VAT1L: variants seen among roughly 807,000 people sequenced by gnomAD.
The protein encoded by VAT1L is vesicle amine transport 1 like.
Under a neutral mutation model 44.1 loss-of-function variants are expected in VAT1L, and 34 were observed. That is an observed-to-expected ratio of 0.77 (90% CI 0.59 to 1.03). The LOEUF is 1.03. Ranked by LOEUF, VAT1L falls within the 50% of genes least tolerant of loss-of-function variation. The pLI, the probability that VAT1L is intolerant of heterozygous loss-of-function variation, is 0.00. For synonymous variants in VAT1L, 253 were observed against 202.2 expected (o/e 1.25, Z -2.13); for missense variants, 615 against 538.8 (o/e 1.14, Z -1.40).
chr16:77,820,180 A>G (rs529759231), intron 2 of VAT1L, among the ~76,000 whole-genome samples: 16 of 152,302 alleles, frequency 1.1e-4, no homozygotes, highest in East Asian at 1.9e-4. Context: ...TCATGGTTTC[A>G]AGAGGATTGA....
At chr16:77,935,499 T>TA (rs35559626) in intron 7 of VAT1L, among the ~76,000 whole-genome samples, 21,968 of 115,656 alleles carry the variant, frequency 0.19, 1,723 homozygotes, top group South Asian at 0.25. Context: ...TGACGGTTTA[T>TA]AAAAAAAAAA....
intron 4 of VAT1L, among the ~76,000 whole-genome samples, chr16:77,874,618 G>A (rs1277246381): frequency 1.3e-5 from 2 of 151,828 alleles, no homozygotes. Context: ...CCTTCCCCAG[G>A]GATGCCTCTC....
intron 7 of VAT1L, among the ~76,000 whole-genome samples, chr16:77,967,155 T>C (rs888369717): frequency 1.3e-5 from 2 of 152,080 alleles, no homozygotes; most frequent in South Asian, 2.1e-4. Flanking sequence ...TGAGAGCAGT[T>C]TGGGGTGTTG....
intron 7 of VAT1L, among the ~76,000 whole-genome samples, chr16:77,963,971 G>A (rs917676274): frequency 6.6e-6 from 1 of 152,100 alleles, no homozygotes; most frequent in African/African-American, 2.4e-5. Flanking sequence ...ATAGTGGCTG[G>A]TTAGGGACTT....
chr16:77,815,952 G>C (rs2016345993), intron 1 of VAT1L, among the ~76,000 whole-genome samples: 1 of 12,164 alleles, frequency 8.2e-5, no homozygotes, highest in South Asian at 3.6e-3. Context: ...TGGACAACAG[G>C]AGCAAAACTC....
chr16:77,934,378 G>A (rs1329613691), intron 7 of VAT1L, among the ~76,000 whole-genome samples: 2 of 152,022 alleles, frequency 1.3e-5, no homozygotes, highest in East Asian at 3.9e-4. Flanking sequence ...TGACCAAAAG[G>A]ATTTTACAGG....
chr16:77,841,701 T>C (rs1026661632), intron 3 of VAT1L, among the ~76,000 whole-genome samples: 3 of 152,110 alleles, frequency 2.0e-5, no homozygotes, highest in African/African-American at 4.8e-5. Flanking sequence ...TCCTACATGA[T>C]TGAAAAAGCC....
At chr16:77,963,186 C>T (rs2018182238) in intron 7 of VAT1L, among the ~76,000 whole-genome samples, 1 of 152,194 alleles carries the variant, frequency 6.6e-6, no homozygotes, top group African/African-American at 2.4e-5. Flanking sequence ...CCCACATCCT[C>T]ATCCCCAGAA....
intron 3 of VAT1L, among the ~76,000 whole-genome samples, chr16:77,840,302 A>G (rs1287737445): frequency 1.3e-5 from 2 of 152,206 alleles, no homozygotes; most frequent in Non-Finnish European, 2.9e-5. Flanking sequence ...GGAAGTTCTC[A>G]TAAAAGGGCA....
At chr16:77,827,675 G>A (rs956291227) in intron 3 of VAT1L, among the ~76,000 whole-genome samples, 2 of 152,094 alleles carry the variant, frequency 1.3e-5, no homozygotes, top group African/African-American at 2.4e-5. Context: ...TGAAAATAGG[G>A]GGAAATGGTC....
chr16:77,880,335 A>AT (rs1413671348), intron 6 of VAT1L, among the ~76,000 whole-genome samples: 1 of 151,768 alleles, frequency 6.6e-6, no homozygotes, highest in Non-Finnish European at 1.5e-5. Context: ...TTATGTATTT[A>AT]TTTTGGTAGA....
chr16:77,884,886 A>T lies in VAT1L; in HGVS notation c.1077+84A>T, dbSNP rs1045594378. On this transcript the variant is annotated intron_variant, in intron 7 of 8. Transcript: ENST00000302536. The surrounding 1 kb of genome is among the most constrained non-coding windows in gnomAD (Gnocchi z 4.5). The stretch of plus-strand genomic sequence containing the variant: ...GGCAGCCAAATACAATCTTCTACTA[A>T]ATGATTTTTTTCCCAGATGGGTTTG... 5 of 1,378,024 alleles carry T rather than the reference A, an allele frequency of 3.6e-6. No individual in the cohort carries two copies. In the African/African-American group the frequency reaches 4.5e-5, roughly 13 times the overall value. 85.4% of individuals were successfully genotyped at this position (1,378,024 alleles called of 1,614,324 possible).
At chr16:77,932,599 G>A (rs994240764) in intron 7 of VAT1L, among the ~76,000 whole-genome samples, 13 of 152,220 alleles carry the variant, frequency 8.5e-5, no homozygotes, top group South Asian at 4.2e-4. Flanking sequence ...TTATCAAATC[G>A]TAGCAACACA....
chr16:77,880,987 C>T (rs2099125), intron 6 of VAT1L, among the ~76,000 whole-genome samples: 151,702 of 152,310 alleles, frequency 1, 75,553 homozygotes, highest in Middle Eastern at 1. Flanking sequence ...TTTTATTTAT[C>T]CAGTCCACCA....
At chr16:77,898,452 C>G (rs1042208458) in intron 7 of VAT1L, among the ~76,000 whole-genome samples, 8 of 152,302 alleles carry the variant, frequency 5.3e-5, no homozygotes, top group South Asian at 2.1e-4. Context: ...AGGGCAAACT[C>G]CAGATTAAGT....
intron 4 of VAT1L, among the ~76,000 whole-genome samples, chr16:77,864,420 C>T (rs1166421129): frequency 2.0e-5 from 3 of 151,688 alleles, no homozygotes; most frequent in Non-Finnish European, 4.4e-5. Flanking sequence ...TAGTGAAGCT[C>T]GATCTCTACC....
intron 7 of VAT1L, among the ~76,000 whole-genome samples, chr16:77,967,605 T>G (rs1387136372): frequency 1.3e-5 from 2 of 152,042 alleles, no homozygotes; most frequent in Non-Finnish European, 2.9e-5. Flanking sequence ...CTTCAAGGAG[T>G]CAGTTCATTT....
chr16:77,856,953 C>T (rs764233955), intron 3 of VAT1L, among the ~76,000 whole-genome samples: 191 of 152,190 alleles, frequency 1.3e-3, no homozygotes, highest in Non-Finnish European at 1.1e-3. Context: ...CCCATGTTTA[C>T]GTATGAAAAG....
chr16:77,842,450 T>A (rs2016716751), intron 3 of VAT1L, among the ~76,000 whole-genome samples: 1 of 152,188 alleles, frequency 6.6e-6, no homozygotes, highest in East Asian at 1.9e-4. Context: ...GAGTCTGCAA[T>A]GACAGAACCA....
Sources: gnomAD v4.1 joint callset for allele counts (sites outside exome capture counted in the v4.1 genomes callset) on GRCh38, gnomAD v4.1.1 for gene constraint, Gnocchi (gnomAD v3.1) non-coding constraint, MANE v1.5 for transcripts, NCBI Gene and HGNC (gene_info 2026-07-23, HGNC 2026-07-21) for gene names.